The following AKAP9 variants were observed in gnomAD, a reference collection of about 807,000 sequenced individuals.
The protein encoded by AKAP9 is A-kinase anchor protein 9.
A neutral mutation model predicts 488.5 loss-of-function variants in AKAP9; 311 were observed. The observed-to-expected ratio is 0.64, with a 90% CI of 0.58 to 0.70. The LOEUF (loss-of-function observed/expected upper bound fraction) is 0.70. AKAP9 is among the 30% of genes least tolerant of loss of function. The pLI is 0.00. For synonymous variants in AKAP9, 1,462 were observed against 1,483.5 expected, an observed-to-expected ratio of 0.99 and a Z score of 0.33; for missense variants, 4,215 against 4,374.5, an observed-to-expected ratio of 0.96 and a Z score of 1.03.
intron 10 of AKAP9, among the ~76,000 whole-genome samples, chr7:92,015,254 AATG>A (rs1247736425): frequency 6.6e-6 from 1 of 152,178 alleles, no homozygotes; most frequent in Non-Finnish European, 1.5e-5. Flanking sequence ...TATTGTTTTA[AATG>A]ATGATAGAAG....
chr7:92,056,896 T>A (rs1584351604), intron 22 of AKAP9, among the ~76,000 whole-genome samples: 1 of 151,980 alleles, frequency 6.6e-6, no homozygotes, highest in Non-Finnish European at 1.5e-5. Flanking sequence ...AATACCAAAA[T>A]GAGGGTTTTT....
In AKAP9 at chr7:92,076,935, G is replaced by T; in HGVS notation, c.6693G>T (p.Met2231Ile). 6.4e-7 allele frequency: 1 copy of T among 1,561,212 alleles called. No individual in the cohort carries two copies. Among genetic ancestry groups the T allele is most frequent in the Non-Finnish European group, 8.8e-7 (1 of 1,137,964 alleles). The change falls in exon 29 of 50, where the codon ATG becomes ATT. Residue 2231 changes from methionine (M) to isoleucine (I), a missense_variant. Physicochemically the swap from Met to Ile is conservative, Grantham distance 10. This residue lies in a region of AKAP9 where 51 missense variants were observed against 87.3 expected (regional missense o/e 0.58). Transcript: ENST00000356239. Reference sequence around the variant, plus strand: ...ATGAAGAAGTTCAACAATTACATATGCAATTAGAAATACAGAAAAAGGAAT... The same window carrying T: ...ATGAAGAAGTTCAACAATTACATATTCAATTAGAAATACAGAAAAAGGAAT... ...NKNEEVQQLH[M>I]QLEIQKKEST... is the part of the protein sequence containing the mutation.
rs1814261217 is a variant in AKAP9, at chr7:92,084,955, A to T, written c.8832+15A>T. On this transcript the variant is annotated intron_variant, in intron 35 of 49. Transcript: ENST00000356239. ...AGAAAATAAAGGTACTAAAAGATAG[A>T]TACCTTTTATTAACTCAGCCAGTGT... The T allele has an allele frequency of 6.2e-7, 1 of 1,611,112 alleles. No individual in the cohort carries two copies. Among genetic ancestry groups the T allele is most frequent in the Non-Finnish European group, 8.5e-7 (1 of 1,178,238 alleles).
intron 46 of AKAP9, 94 bp downstream of exon 46, chr7:92,102,920 T>A: frequency 9.0e-7 from 1 of 1,107,790 alleles, no homozygotes; most frequent in Non-Finnish European, 1.3e-6. Context: ...GGTTATACTC[T>A]ATATTTATAT....
intron 26 of AKAP9, among the ~76,000 whole-genome samples, chr7:92,069,611 A>G (rs1811351950): frequency 6.6e-6 from 1 of 152,214 alleles, no homozygotes; most frequent in Non-Finnish European, 1.5e-5. Context: ...GATTTCAGAT[A>G]TTTTGAATTT....
intron 22 of AKAP9, among the ~76,000 whole-genome samples, chr7:92,056,542 T>C (rs1003638461): frequency 1.3e-5 from 2 of 150,924 alleles, no homozygotes; most frequent in African/African-American, 2.4e-5. Context: ...TCTGTGAACG[T>C]GCTTTGTTAA....
In AKAP9 at chr7:92,055,842, C is replaced by T. The variant is rs990264395; in HGVS notation, c.5601+2884C>T. ...TGTTACAAGGGCTGTATGCCACTATCCTGAATCATCTTTATTTAATACTGC... is the reference window on the plus strand; with the variant it reads ...TGTTACAAGGGCTGTATGCCACTATTCTGAATCATCTTTATTTAATACTGC... On this transcript the variant is annotated intron_variant, in intron 22 of 49. Coordinates refer to ENST00000356239, the MANE Select transcript of AKAP9 (RefSeq NM_005751.5). 4.6e-5 allele frequency among the ~76,000 whole-genome samples: 7 copies of T among 151,932 alleles called. No individual in the cohort carries two copies. The Admixed American group carries it at 4.6e-4, about 10-fold the overall frequency.
intron 1 of AKAP9, among the ~76,000 whole-genome samples, chr7:91,947,632 G>A (rs186990896): frequency 6.3e-4 from 96 of 152,236 alleles, no homozygotes; most frequent in African/African-American, 2.2e-3. Context: ...GAGCAACCGC[G>A]CCCGGCCGCA....
chr7:92,102,679 G>C lies in AKAP9; in HGVS notation c.11183G>C (p.Gly3728Ala), dbSNP rs1363239151. 3.6e-5 allele frequency: 58 copies of C among 1,614,074 alleles called. No homozygotes were observed. The highest frequency in any genetic ancestry group is 4.7e-5 in the Non-Finnish European group (56 of 1,180,044). ...AAATACCTGCTGCTGTTACTGGGTGGGTTCCAGGAATGTGAAGATGCCACC... is the reference window on the plus strand; with the variant it reads ...AAATACCTGCTGCTGTTACTGGGTGCGTTCCAGGAATGTGAAGATGCCACC... ...QKKYLLLLLG[G>A]FQECEDATLA... The change falls in exon 46 of 50, where the codon GGG (glycine) becomes GCG (alanine). Residue 3728 changes from glycine to alanine, a missense_variant. This residue lies in a region of AKAP9 where 253 missense variants were observed against 266.8 expected (regional missense o/e 0.95). Transcript: ENST00000356239.
At chr7:92,093,789 C>T (rs1056012533) in intron 39 of AKAP9, among the ~76,000 whole-genome samples, 2 of 151,758 alleles carry the variant, frequency 1.3e-5, no homozygotes, top group African/African-American at 4.8e-5. Flanking sequence ...TATGGTGATT[C>T]CCATGTTCAG....
At chr7:92,004,287 G>C (rs1438169010) in intron 8 of AKAP9, among the ~76,000 whole-genome samples, 5 of 152,142 alleles carry the variant, frequency 3.3e-5, no homozygotes, top group African/African-American at 1.2e-4. Flanking sequence ...GGCAATGTGG[G>C]CTCTTTTTTG....
At chr7:92,094,790 G>A (rs1348121647) in intron 39 of AKAP9, among the ~76,000 whole-genome samples, 3 of 152,212 alleles carry the variant, frequency 2.0e-5, no homozygotes, top group Non-Finnish European at 2.9e-5. Context: ...CCGAGATGGC[G>A]CTACTGCACT....
intron 43 of AKAP9, 128 bp from the exon 44 acceptor site, chr7:92,099,559 C>G: frequency 1.1e-6 from 1 of 902,862 alleles, no homozygotes. Flanking sequence ...AAATATCTAC[C>G]TATTACTGAA....
intron 28 of AKAP9, among the ~76,000 whole-genome samples, chr7:92,071,951 C>A (rs1219737108): frequency 6.9e-6 from 1 of 145,800 alleles, no homozygotes; most frequent in Non-Finnish European, 1.5e-5. Flanking sequence ...CTGAGAGGCT[C>A]TTATTTATTT....
intron 18 of AKAP9, chr7:92,041,203 TAAA>T: frequency 3.1e-6 from 1 of 323,164 alleles, no homozygotes; most frequent in East Asian, 5.9e-5. Flanking sequence ...TTTTTTCTTT[TAAA>T]TCATTCCATT....
intron 7 of AKAP9, 39 bp downstream of exon 7, chr7:91,995,839 C>A: frequency 1.3e-6 from 2 of 1,492,786 alleles, no homozygotes; most frequent in Non-Finnish European, 9.1e-7. Context: ...CTTGTAGAAG[C>A]TTTAGAGTTT....
At position 92,002,675 on chromosome 7, in the gene AKAP9, G is replaced by A; in HGVS notation, c.2758G>A (p.Asp920Asn). 1 of 1,613,392 alleles carries A rather than the reference G, an allele frequency of 6.2e-7. No individual in the cohort carries two copies. The highest frequency in any genetic ancestry group is 8.5e-7 in the Non-Finnish European group (1 of 1,179,658). ...AATGAAAAGTTCTGTCTTTGATGAA[G>A]ACAAAACTTTTGTAGCAGAAACATT... The part of the protein sequence containing the change: ...VKMKSSVFDE[D>N]KTFVAETLEM... Residue 920 changes from aspartate to asparagine, a missense_variant, in exon 8 of 50, where the codon GAC becomes AAC. Transcript: ENST00000356239.
Position 92,077,854 on chromosome 7 carries a change from T to C in AKAP9, c.6924T>C (p.Leu2308=). 2 of 1,613,058 alleles carry C rather than the reference T, an allele frequency of 1.2e-6. No individual in the cohort carries two copies. Among genetic ancestry groups the C allele is most frequent in the East Asian group, 4.5e-5 (2 of 44,774 alleles). The change falls in exon 30 of 50, where the codon CTT becomes CTC. Residue 2308 remains leucine (L), a synonymous_variant. Transcript: ENST00000356239. ...AAGTTACGAAACTCCAGCAGCAACTTAAAATTACAACAGATAACAAGGTAT... is the reference window on the plus strand; with the variant it reads ...AAGTTACGAAACTCCAGCAGCAACTCAAAATTACAACAGATAACAAGGTAT... The part of the protein sequence containing the change: ...NEQVTKLQQQ[L]KITTDNKVIE...
At chr7:92,090,887 C>T (rs777448655) in intron 38 of AKAP9, among the ~76,000 whole-genome samples, 2 of 152,168 alleles carry the variant, frequency 1.3e-5, no homozygotes, top group African/African-American at 2.4e-5. Context: ...TTAGTTTATA[C>T]ACTTAGTAGC....
Sources: gnomAD v4.1 joint callset for allele counts (sites outside exome capture counted in the v4.1 genomes callset) on GRCh38, gnomAD v4.1.1 for gene constraint, gnomAD v4.1.1 regional missense constraint, MANE v1.5 for transcripts, NCBI Gene and HGNC (gene_info 2026-07-23, HGNC 2026-07-21) for gene names.